Variants in LPO observed in about 807,000 individuals in gnomAD.
LPO encodes salivary peroxidase.
LPO carries 70 observed loss-of-function variants against 68.4 expected under a neutral mutation model. That is an observed-to-expected ratio of 1.02 (90% CI 0.84 to 1.25). The LOEUF is 1.25. Ranked by LOEUF, LPO falls within the 50% of genes most tolerant of loss-of-function variation. LPO has a pLI of 0.00. For missense variants in LPO, 873 were observed against 908.4 expected, an observed-to-expected ratio of 0.96 and a Z score of 0.50; for synonymous variants, 360 against 357.6, an observed-to-expected ratio of 1.01 and a Z score of -0.08.
chr17:58,239,361 G>A lies in LPO; in HGVS notation c.-3+622G>A, dbSNP rs116284889. 3.6e-3 allele frequency among the ~76,000 whole-genome samples: 542 copies of A among 151,388 alleles called. 3 individuals carry two copies. Among genetic ancestry groups the A allele is most frequent in the African/African-American group, 0.012 (506 of 41,182 alleles). ...GTGTGACCTGTATGCAGCGGTAGTA[G>A]GCAGGCTTCATTTTGGGGGAATGGG... On this transcript the variant is annotated intron_variant, in intron 1 of 12. Coordinates refer to ENST00000262290, the MANE Select transcript of LPO (RefSeq NM_006151.3).
rs1316127039 is a variant in LPO, at chr17:58,250,472, C to A, written c.631C>A (p.Gln211Lys). ...TCTGAATGAGGAGGGTGTTCTGGAC[C>A]AAAACAGGTCCCTGCTCTTCATGCA... ...GYLNEEGVLD[Q>K]NRSLLFMQWG... The change falls in exon 7 of 13, where the codon CAA becomes AAA. Residue 211 changes from glutamine (Q) to lysine (K), a missense_variant. Physicochemically the swap from Gln to Lys is moderately conservative, Grantham distance 53 (BLOSUM62 1). Transcript: ENST00000262290. 1.1e-5 allele frequency: 17 copies of A among 1,613,996 alleles called. No homozygotes were observed. The highest frequency in any genetic ancestry group is 2.2e-5 in the East Asian group (1 of 44,892).
At chr17:58,265,622 C>T (rs1035150597) in intron 10 of LPO, among the ~76,000 whole-genome samples, 2 of 143,148 alleles carry the variant, frequency 1.4e-5, no homozygotes, top group South Asian at 4.5e-4. Flanking sequence ...TACTCTGTCA[C>T]CCAGGCTGGA....
intron 9 of LPO, among the ~76,000 whole-genome samples, chr17:58,262,935 C>T (rs907415991): frequency 6.6e-6 from 1 of 152,176 alleles, no homozygotes; most frequent in Admixed American, 6.5e-5. Flanking sequence ...CCCCCTTTCT[C>T]CTCTGTTTCT....
intron 8 of LPO, 43 bp from the exon 9 acceptor site, chr17:58,254,768 G>T: frequency 6.2e-7 from 1 of 1,606,768 alleles, no homozygotes; most frequent in South Asian, 1.1e-5. Context: ...TGGGTCCTGG[G>T]GCTGTTAGGG....
Position 58,268,162 on chromosome 17 carries a change from C to T in LPO, c.*168C>T, listed in dbSNP as rs1232527593. 10 of 650,472 alleles carry T rather than the reference C, an allele frequency of 1.5e-5. No individual in the cohort carries two copies. The highest frequency in any genetic ancestry group is 1.4e-4 in the East Asian group (5 of 36,330). 40.3% of individuals were successfully genotyped at this position (650,472 alleles called of 1,614,324 possible). A position where few individuals can be genotyped will look rare whatever the true frequency, so the allele number is the denominator to read the frequency against. On this transcript the variant is annotated 3_prime_UTR_variant, in exon 13 of 13. Transcript: ENST00000262290. ...TGCTCAGGCCCCAGGGTGGCTGCCT[C>T]GGCCCTCCCAGCTCTTACACTCAGC... is the stretch of plus-strand genomic sequence containing the variant.
rs1454677711 is a variant in LPO at position 58,267,495 on chromosome 17, A to G, written c.1840A>G (p.Ile614Val). The change falls in exon 12 of 13, where the codon ATT becomes GTT. Residue 614 changes from isoleucine to valine, a missense_variant. Ile to Val is a conservative substitution (Grantham distance 29, BLOSUM62 3). Coordinates refer to ENST00000262290, the MANE Select transcript of LPO (RefSeq NM_006151.3). ...CAACATCGACATCTGGATAGGGGCC[A>G]TTGCTGAGCCGCTGGTGGAAAGGGG... ...PDNIDIWIGA[I>V]AEPLVERGRV... 1.9e-6 allele frequency: 3 copies of G among 1,614,088 alleles called. No homozygotes were observed. The highest frequency in any genetic ancestry group is 2.5e-6 in the Non-Finnish European group (3 of 1,180,032).
chr17:58,248,985 C>T (rs1969903539), intron 4 of LPO, 75 bp from the exon 5 acceptor site: 1 of 1,101,612 alleles, frequency 9.1e-7, no homozygotes, highest in African/African-American at 1.5e-5. Context: ...CACCTCTGGT[C>T]TCCATTTCCT....
intron 4 of LPO, 124 bp downstream of exon 4, chr17:58,247,762 T>A: frequency 9.0e-7 from 1 of 1,106,186 alleles, no homozygotes; most frequent in Non-Finnish European, 1.3e-6. Flanking sequence ...CTCCTGTCTC[T>A]CCCTTCTTAG....
intron 4 of LPO, 40 bp from the exon 5 acceptor site, chr17:58,249,020 G>A (rs748908128): frequency 3.3e-6 from 5 of 1,523,886 alleles, no homozygotes; most frequent in Non-Finnish European, 4.6e-6. Context: ...CCTGTGAATG[G>A]AGAAAGAACT....
intron 9 of LPO, among the ~76,000 whole-genome samples, chr17:58,262,204 A>G (rs760035433): frequency 6.6e-6 from 1 of 152,208 alleles, no homozygotes; most frequent in South Asian, 2.1e-4. Context: ...TGTGTGCAGC[A>G]AATTCTCTGA....
At chr17:58,267,251 A>T in intron 11 of LPO, 98 bp from the exon 12 acceptor site, 1 of 880,114 alleles carries the variant, frequency 1.1e-6, no homozygotes, top group Non-Finnish European at 1.8e-6. Context: ...GTAAGCCCAG[A>T]CTTTCTAGGG....
intron 7 of LPO, chr17:58,250,912 G>A (rs1969948273): frequency 7.2e-6 from 3 of 418,760 alleles, no homozygotes; most frequent in South Asian, 5.2e-5. Context: ...ACTACTGATA[G>A]CAGAATGGGA....
At chr17:58,240,040 G>A (rs148211279) in intron 1 of LPO, among the ~76,000 whole-genome samples, 1 of 152,292 alleles carries the variant, frequency 6.6e-6, no homozygotes, top group East Asian at 1.9e-4. Context: ...GGTCTGATAG[G>A]GGAAACAGAT....
chr17:58,241,201 C>T (rs1382616099), intron 1 of LPO, among the ~76,000 whole-genome samples: 1 of 148,152 alleles, frequency 6.7e-6, no homozygotes, highest in African/African-American at 2.5e-5. Context: ...GCCTCCACCT[C>T]CCAGGTTCAA....
chr17:58,267,430 T>C lies in LPO; in HGVS notation c.1775T>C (p.Met592Thr), dbSNP rs201734144. Reference protein sequence around the residue: ...EELNTVLKSKMLAKKLLGLYG... With the variant: ...EELNTVLKSKTLAKKLLGLYG... ...TTGAACACAGTGCTGAAGAGCAAGA[T>C]GCTGGCCAAGAAGTTACTGGGTCTC... Residue 592 changes from methionine to threonine, a missense_variant, in exon 12 of 13, where the codon ATG becomes ACG. Transcript: ENST00000262290. 1.9e-6 allele frequency: 3 copies of C among 1,614,232 alleles called. No homozygotes were observed. Among genetic ancestry groups the C allele is most frequent in the Admixed American group, 1.7e-5 (1 of 60,030 alleles).
chr17:58,254,298 C>T (rs1393911512), intron 8 of LPO, among the ~76,000 whole-genome samples: 1 of 152,080 alleles, frequency 6.6e-6, no homozygotes, highest in African/African-American at 2.4e-5. Flanking sequence ...CTCTCTCCCT[C>T]CCACTACAGA....
chr17:58,268,093 C>A lies in LPO; in HGVS notation c.*99C>A. 1 of 1,272,286 alleles carries A rather than the reference C, an allele frequency of 7.9e-7. No individual in the cohort carries two copies. Among genetic ancestry groups the A allele is most frequent in the Non-Finnish European group, 1.1e-6 (1 of 905,894 alleles). The allele number at this position is 1,272,286 out of a possible 1,614,324, so 78.8% of individuals were successfully genotyped here. ...TAGAGCTCCATATCCCAGTCCCAGC[C>A]CTTCTTTGCAGCTGGGCCTCTCTAT... On this transcript the variant is annotated 3_prime_UTR_variant, in exon 13 of 13. Coordinates refer to ENST00000262290, the MANE Select transcript of LPO (RefSeq NM_006151.3).
At chr17:58,245,145 C>G (rs910718928) in intron 3 of LPO, among the ~76,000 whole-genome samples, 1 of 152,188 alleles carries the variant, frequency 6.6e-6, no homozygotes, top group African/African-American at 2.4e-5. Context: ...ATTAAAGTGT[C>G]AGCATAAGAA....
intron 6 of LPO, 105 bp downstream of exon 6, chr17:58,249,800 G>A: frequency 1.4e-6 from 2 of 1,406,322 alleles, no homozygotes; most frequent in Non-Finnish European, 1.9e-6. Context: ...GGGGCAGCAG[G>A]GGTGCGCGAT....
Sources: allele counts gnomAD v4.1 joint callset (sites outside exome capture counted in the v4.1 genomes callset), GRCh38; gene constraint gnomAD v4.1.1; transcripts MANE v1.5; gene names NCBI Gene and HGNC (gene_info 2026-07-23, HGNC 2026-07-21).